NCAM1: variants seen among roughly 807,000 people sequenced by gnomAD.
NCAM1 encodes the protein antigen recognized by monoclonal antibody 5.1H11.
NCAM1 carries 14 observed loss-of-function variants against 109.8 expected under a neutral mutation model. That is an observed-to-expected ratio of 0.13 (90% CI 0.08 to 0.20). The LOEUF is 0.20. NCAM1 is among the 10% of genes least tolerant of loss of function. The pLI is 1.00. For missense variants in NCAM1, 774 were observed against 1,109.9 expected (o/e 0.70, Z 4.30); for synonymous variants, 418 against 442.9 (o/e 0.94, Z 0.70).
intron 1 of NCAM1, among the ~76,000 whole-genome samples, chr11:113,021,534 C>T (rs1264773081): frequency 2.0e-5 from 3 of 152,192 alleles, no homozygotes; most frequent in African/African-American, 7.2e-5. Context: ...TCCTAAATCT[C>T]AGAGACAATC....
intron 1 of NCAM1, among the ~76,000 whole-genome samples, chr11:113,089,513 T>A (rs966072306): frequency 3.3e-5 from 5 of 152,118 alleles, no homozygotes; most frequent in African/African-American, 1.2e-4. Context: ...CCAAGCTGGA[T>A]TCAAACTCCT....
intron 1 of NCAM1, among the ~76,000 whole-genome samples, chr11:112,981,865 A>AT: frequency 6.6e-6 from 1 of 152,022 alleles, no homozygotes; most frequent in African/African-American, 2.4e-5. Context: ...TAAAGTTCAA[A>AT]GGTTTTTTGC....
chr11:113,157,761 A>G (rs1555103715), intron 1 of NCAM1, among the ~76,000 whole-genome samples: 1 of 152,192 alleles, frequency 6.6e-6, no homozygotes, highest in East Asian at 1.9e-4. Flanking sequence ...TTTTCAAAAC[A>G]AAAAGTATCA....
In NCAM1 at chr11:113,274,256, C is replaced by T. The variant is rs1033989389; in HGVS notation, c.2457-1011C>T. Among the ~76,000 whole-genome samples the T allele has an allele frequency of 3.9e-5, 6 of 152,196 alleles. No individual in the cohort carries two copies. The highest frequency in any genetic ancestry group is 7.2e-5 in the African/African-American group (3 of 41,468). ...GATGCTCACCCTCCCCTCCCAACCC[C>T]GGCCCCCAGCCCACTCTTGCTTCTC... On this transcript the variant is annotated intron_variant, in intron 19 of 19. Transcript: ENST00000316851. The surrounding 1 kb of genome is among the most constrained non-coding windows in gnomAD (Gnocchi z 4.1).
intron 7 of NCAM1, among the ~76,000 whole-genome samples, chr11:113,212,479 G>A (rs1447756383): frequency 6.6e-6 from 1 of 152,018 alleles, no homozygotes; most frequent in Non-Finnish European, 1.5e-5. Flanking sequence ...GTTAACCTTC[G>A]GCTGCCATGA....
chr11:113,237,115 C>T (rs1237179015), intron 14 of NCAM1, among the ~76,000 whole-genome samples: 1 of 152,118 alleles, frequency 6.6e-6, no homozygotes. Context: ...ATCATGTAAG[C>T]TGTACATAGA....
intron 11 of NCAM1, 107 bp from the exon 12 acceptor site, chr11:113,232,611 A>G: frequency 1.0e-6 from 1 of 967,740 alleles, no homozygotes; most frequent in South Asian, 1.5e-5. Context: ...CTAATGATTT[A>G]TACTTTACTA....
chr11:113,014,782 C>T (rs1952165984), intron 1 of NCAM1, among the ~76,000 whole-genome samples: 1 of 152,236 alleles, frequency 6.6e-6, no homozygotes, highest in Non-Finnish European at 1.5e-5. Context: ...GGCTAGCACA[C>T]AGCTGAGACG....
intron 1 of NCAM1, among the ~76,000 whole-genome samples, chr11:113,007,833 A>G (rs1555073588): frequency 6.6e-6 from 1 of 152,212 alleles, no homozygotes; most frequent in African/African-American, 2.4e-5. Context: ...AATGGTTTGG[A>G]GTCAAAATAT....
chr11:113,040,587 C>T (rs142512615), intron 1 of NCAM1, among the ~76,000 whole-genome samples: 108 of 152,210 alleles, frequency 7.1e-4, no homozygotes, highest in African/African-American at 2.5e-3. Flanking sequence ...GTTTGTCTAC[C>T]CTGTTCTTAA....
chr11:113,049,059 C>T (rs781852458), intron 1 of NCAM1, among the ~76,000 whole-genome samples: 1 of 152,094 alleles, frequency 6.6e-6, no homozygotes, highest in Non-Finnish European at 1.5e-5. Flanking sequence ...ACTGTCAGAC[C>T]TGCTTTTGAG....
intron 1 of NCAM1, among the ~76,000 whole-genome samples, chr11:113,097,246 C>T (rs956653617): frequency 6.6e-6 from 1 of 152,178 alleles, no homozygotes; most frequent in Non-Finnish European, 1.5e-5. Context: ...TTTCTTATGG[C>T]TTTTATCTAA....
chr11:113,195,908 A>AGG (rs1339789341), intron 1 of NCAM1, among the ~76,000 whole-genome samples: 1 of 103,742 alleles, frequency 9.6e-6, no homozygotes, highest in African/African-American at 5.1e-5. Flanking sequence ...GTTTGTTTGC[A>AGG]GGGTGTGTGT....
chr11:113,247,443 C>G (rs1945530595), intron 15 of NCAM1, among the ~76,000 whole-genome samples: 1 of 152,204 alleles, frequency 6.6e-6, no homozygotes, highest in Non-Finnish European at 1.5e-5. Flanking sequence ...GACAAACCGT[C>G]AACAGCTGGT....
intron 1 of NCAM1, among the ~76,000 whole-genome samples, chr11:113,192,615 C>T (rs540171755): frequency 6.6e-6 from 1 of 152,238 alleles, no homozygotes; most frequent in African/African-American, 2.4e-5. Context: ...TATTGGGATG[C>T]AGGTGAGACC....
rs1161870491 is a variant in NCAM1, at chr11:113,044,437, C to T, written c.52+82773C>T. 3.3e-5 allele frequency among the ~76,000 whole-genome samples: 5 copies of T among 152,202 alleles called. No individual in the cohort carries two copies. The South Asian group carries it at 1.0e-3, about 32-fold the overall frequency. ...TGGTGGCTCATGCCTGCAATCCCAG[C>T]ACTTTGGGAGGCTGAGGCGGGCCGA... On this transcript the variant is annotated intron_variant, in intron 1 of 19. Transcript: ENST00000316851.
intron 15 of NCAM1, among the ~76,000 whole-genome samples, chr11:113,249,649 A>C (rs1220562641): frequency 6.6e-6 from 1 of 152,168 alleles, no homozygotes; most frequent in Admixed American, 6.5e-5. Flanking sequence ...TTCTGTCATA[A>C]CTTCCTCAGC....
intron 1 of NCAM1, among the ~76,000 whole-genome samples, chr11:113,073,141 A>G (rs1938364799): frequency 6.6e-6 from 1 of 152,194 alleles, no homozygotes; most frequent in African/African-American, 2.4e-5. Context: ...TTCACTTAGC[A>G]TCATGTCTTC....
chr11:113,262,574 C>T (rs1555123570), intron 17 of NCAM1, among the ~76,000 whole-genome samples: 1 of 152,206 alleles, frequency 6.6e-6, no homozygotes, highest in Non-Finnish European at 1.5e-5. Flanking sequence ...GGTATTGATA[C>T]TGCACTGAAC....
Sources: gnomAD v4.1 joint callset for allele counts (sites outside exome capture counted in the v4.1 genomes callset) on GRCh38, gnomAD v4.1.1 for gene constraint, Gnocchi (gnomAD v3.1) non-coding constraint, MANE v1.5 for transcripts, NCBI Gene and HGNC (gene_info 2026-07-23, HGNC 2026-07-21) for gene names.